Variants in MAGEB4 observed in about 807,000 individuals in gnomAD.
MAGEB4 encodes the protein melanoma-associated antigen B4.
For missense variants in MAGEB4, 237 were observed against 269.3 expected, an observed-to-expected ratio of 0.88 and a Z score of 0.84; for synonymous variants, 101 against 101.9, an observed-to-expected ratio of 0.99 and a Z score of 0.05.
In MAGEB4 at chrX:30,242,693, T is replaced by C. The variant is rs772883302; in HGVS notation, c.558T>C (p.Asp186=). ...YILVSMLGPN[D]GNQSSAWTLP... is the part of the protein sequence containing the mutation. ...TCGTCAGCATGCTAGGCCCCAACGA[T>C]GGAAACCAGAGCAGTGCCTGGACCC... is the stretch of plus-strand genomic sequence containing the variant. The change falls in exon 1 of 1, where the codon GAT becomes GAC. Residue 186 remains aspartate (D), a synonymous_variant. Transcript: ENST00000378982. 8.3e-7 allele frequency: 1 copy of C among 1,211,728 alleles called. No individual in the cohort carries two copies. Among genetic ancestry groups the C allele is most frequent in the East Asian group, 3.0e-5 (1 of 33,837 alleles).
rs757507580 is a variant in MAGEB4, at chrX:30,242,664, A to G, written c.529A>G (p.Ile177Val). The G allele has an allele frequency of 1.7e-6, 2 of 1,211,726 alleles. No individual in the cohort carries two copies. Among genetic ancestry groups the G allele is most frequent in the Non-Finnish European group, 2.2e-6 (2 of 895,514 alleles). Residue 177 changes from isoleucine (I) to valine (V), a missense_variant, in exon 1 of 1, where the codon ATC (isoleucine) becomes GTC (valine). Transcript: ENST00000378982. Reference protein sequence around the residue: ...KEVNPTTHSYILVSMLGPNDG... With the variant: ...KEVNPTTHSYVLVSMLGPNDG... Reference sequence around the variant, plus strand: ...GGTCAACCCCACCACTCACTCCTACATCCTCGTCAGCATGCTAGGCCCCAA... The same window carrying G: ...GGTCAACCCCACCACTCACTCCTACGTCCTCGTCAGCATGCTAGGCCCCAA...
In MAGEB4 at chrX:30,243,127, C is replaced by T; in HGVS notation, c.992C>T (p.Thr331Ile). ...GCCAGGCGTGGCACTACAGCCATGA[C>T]TAGTGCGTATTCCAGGGCCACATCC... ...VAARRGTTAM[T>I]SAYSRATSSS... is the part of the protein sequence containing the mutation. Residue 331 changes from threonine to isoleucine, a missense_variant, in exon 1 of 1, where the codon ACT becomes ATT. By Grantham distance (89) the Thr-to-Ile change is moderately conservative. Coordinates refer to ENST00000378982, the MANE Select transcript of MAGEB4 (RefSeq NM_002367.4). 1 of 1,198,077 alleles carries T rather than the reference C, an allele frequency of 8.3e-7. No homozygotes were observed. Among genetic ancestry groups the T allele is most frequent in the Non-Finnish European group, 1.1e-6 (1 of 888,813 alleles).
In MAGEB4 at chrX:30,242,933, A is replaced by G. The variant is rs1925191928; in HGVS notation, c.798A>G (p.Pro266=). 8.3e-7 allele frequency: 1 copy of G among 1,210,614 alleles called. No homozygotes were observed. The highest frequency in any genetic ancestry group is 1.1e-6 in the Non-Finnish European group (1 of 895,340). The change falls in exon 1 of 1, where the codon CCA becomes CCG. Residue 266 remains proline (P), a synonymous_variant. Coordinates refer to ENST00000378982, the MANE Select transcript of MAGEB4 (RefSeq NM_002367.4). ...AGCAGGTGCCCAACAGTGATCCCCC[A>G]CGCTATCAATTCCTGTGGGGTCCAA... The part of the protein sequence containing the change: ...EYQQVPNSDP[P]RYQFLWGPRA...
chrX:30,242,852 G>A lies in MAGEB4; in HGVS notation c.717G>A (p.Gly239=), dbSNP rs758644905. The change falls in exon 1 of 1, where the codon GGG becomes GGA. Residue 239 remains glycine (G), a synonymous_variant. Transcript: ENST00000378982. ...ATGGAAAGAGGCACCTTATCTTTGG[G>A]GAACCCCGAAAGCTCATCACCCAAG... The part of the protein sequence containing the change: ...IYDGKRHLIF[G]EPRKLITQDL... 8.3e-7 allele frequency: 1 copy of A among 1,211,796 alleles called. No individual in the cohort carries two copies. The highest frequency in any genetic ancestry group is 1.7e-5 in the African/African-American group (1 of 57,810).
chrX:30,242,144 G>T lies in MAGEB4; in HGVS notation c.9G>T (p.Arg3=). ...GCCTAACCACAGCCATCATGCCTCG[G>T]GGTCAGAAGAGTAAGCTCCGTGCCC... MP[R]GQKSKLRARE... Residue 3 remains arginine (R), a synonymous_variant, in exon 1 of 1, where the codon CGG becomes CGT. Transcript: ENST00000378982. 1 of 1,133,552 alleles carries T rather than the reference G, an allele frequency of 8.8e-7. No individual in the cohort carries two copies. Among genetic ancestry groups the T allele is most frequent in the Non-Finnish European group, 1.2e-6 (1 of 858,612 alleles). 93.4% of individuals were successfully genotyped at this position (1,133,552 alleles called of 1,213,427 possible).
rs1470097855 is a variant in MAGEB4 at position 30,242,164 on chromosome X, G to A, written c.29G>A (p.Arg10His). The part of the protein sequence containing the change: MPRGQKSKL[R>H]AREKRQRTRG... ...CCTCGGGGTCAGAAGAGTAAGCTCCGTGCCCGTGAGAAACGCCAGCGGACC... is the reference window on the plus strand; with the variant it reads ...CCTCGGGGTCAGAAGAGTAAGCTCCATGCCCGTGAGAAACGCCAGCGGACC... Residue 10 changes from arginine to histidine, a missense_variant, in exon 1 of 1, where the codon CGT becomes CAT. By Grantham distance (29) the Arg-to-His change is conservative. Transcript: ENST00000378982. The A allele has an allele frequency of 7.8e-6, 9 of 1,147,405 alleles. No individual in the cohort carries two copies. The highest frequency in any genetic ancestry group is 6.0e-5 in the East Asian group (2 of 33,323). 94.6% of individuals were successfully genotyped at this position (1,147,405 alleles called of 1,213,427 possible). A position where few individuals can be genotyped will look rare whatever the true frequency, so the allele number is the denominator to read the frequency against.
At position 30,243,913 on chromosome X, in the gene MAGEB4, A is replaced by G. The variant is rs979838713; in HGVS notation, c.*737A>G. 12 of 124,521 alleles carry G rather than the reference A, an allele frequency of 9.6e-5. No homozygotes were observed. The highest frequency in any genetic ancestry group is 1.9e-4 in the Non-Finnish European group (10 of 53,488). 10.3% of individuals were successfully genotyped at this position (124,521 alleles called of 1,213,427 possible). A position where few individuals can be genotyped will look rare whatever the true frequency, so the allele number is the denominator to read the frequency against. ...AACATATTTGTATGTAAAATGATTT[A>G]TCTTTTCTTTTTCCTGTTTTTCAGT... On this transcript the variant is annotated 3_prime_UTR_variant, in exon 1 of 1. Coordinates refer to ENST00000378982, the MANE Select transcript of MAGEB4 (RefSeq NM_002367.4).
In MAGEB4 at chrX:30,242,664, A is replaced by C. The variant is rs757507580; in HGVS notation, c.529A>C (p.Ile177Leu). ...KEVNPTTHSY[I>L]LVSMLGPNDG... The stretch of plus-strand genomic sequence containing the variant: ...GGTCAACCCCACCACTCACTCCTAC[A>C]TCCTCGTCAGCATGCTAGGCCCCAA... Residue 177 changes from isoleucine to leucine, a missense_variant, in exon 1 of 1, where the codon ATC (isoleucine) becomes CTC (leucine). Coordinates refer to ENST00000378982, the MANE Select transcript of MAGEB4 (RefSeq NM_002367.4). 1.7e-6 allele frequency: 2 copies of C among 1,211,726 alleles called. No homozygotes were observed. Among genetic ancestry groups the C allele is most frequent in the Admixed American group, 4.3e-5 (2 of 46,051 alleles).
rs772416089 is a variant in MAGEB4 at position 30,242,424 on chromosome X, G to C, written c.289G>C (p.Ala97Pro). The C allele has an allele frequency of 8.3e-7, 1 of 1,209,458 alleles. No individual in the cohort carries two copies. Among genetic ancestry groups the C allele is most frequent in the Admixed American group, 2.2e-5 (1 of 45,870 alleles). The change falls in exon 1 of 1, where the codon GCC becomes CCC. Residue 97 changes from alanine to proline, a missense_variant. Physicochemically the swap from Ala to Pro is conservative, Grantham distance 27 (BLOSUM62 -1). Coordinates refer to ENST00000378982, the MANE Select transcript of MAGEB4 (RefSeq NM_002367.4). ...TGAGGAAAATGCAAGTTCCTCCCAG[G>C]CCTCAACATCCACTGAGAGATCACT... ...QDEENASSSQ[A>P]STSTERSLKD...
chrX:30,242,291 C>T lies in MAGEB4; in HGVS notation c.156C>T (p.Ser52=), dbSNP rs774913579. The change falls in exon 1 of 1, where the codon AGC becomes AGT. Residue 52 remains serine (S), a synonymous_variant. Coordinates refer to ENST00000378982, the MANE Select transcript of MAGEB4 (RefSeq NM_002367.4). ...SSSVLRDTAS[S]SLAFGIPQEP... ...CTGTTTTGAGGGATACTGCCTCCAG[C>T]TCCCTTGCTTTTGGCATTCCCCAGG... The T allele has an allele frequency of 2.5e-6, 3 of 1,203,777 alleles. No individual in the cohort carries two copies. In the African/African-American group the frequency reaches 5.3e-5, roughly 21 times the overall value.
rs17853105 is a variant in MAGEB4, at chrX:30,242,691, G to A, written c.556G>A (p.Asp186Asn). 23 of 1,210,052 alleles carry A rather than the reference G, an allele frequency of 1.9e-5. No individual in the cohort carries two copies. The Admixed American group carries it at 3.5e-4, about 18-fold the overall frequency. The change falls in exon 1 of 1, where the codon GAT (aspartate) becomes AAT (asparagine). Residue 186 changes from aspartate to asparagine, a missense_variant. Physicochemically the swap from Asp to Asn is conservative, Grantham distance 23. Transcript: ENST00000378982. Reference protein sequence around the residue: ...YILVSMLGPNDGNQSSAWTLP... With the variant: ...YILVSMLGPNNGNQSSAWTLP... ...CCTCGTCAGCATGCTAGGCCCCAAC[G>A]ATGGAAACCAGAGCAGTGCCTGGAC...
In MAGEB4 at chrX:30,242,105, C is replaced by T. The variant is rs376209507; in HGVS notation, c.-31C>T. ...CACATCACCTGCCCTTCTGCCTACACTCCTGCCTGCTGTGCCTAACCACAG... is the reference window on the plus strand; with the variant it reads ...CACATCACCTGCCCTTCTGCCTACATTCCTGCCTGCTGTGCCTAACCACAG... On this transcript the variant is annotated 5_prime_UTR_variant, in exon 1 of 1. Coordinates refer to ENST00000378982, the MANE Select transcript of MAGEB4 (RefSeq NM_002367.4). The T allele has an allele frequency of 1.3e-4, 144 of 1,103,325 alleles. No homozygotes were observed. The African/African-American group carries it at 2.5e-3, about 19-fold the overall frequency. The allele number at this position is 1,103,325 out of a possible 1,213,427, so 90.9% of individuals were successfully genotyped here.
chrX:30,242,954 T>C lies in MAGEB4; in HGVS notation c.819T>C (p.Gly273=), dbSNP rs1369609847. ...SDPPRYQFLW[G]PRAHAETSKM... ...CCCCACGCTATCAATTCCTGTGGGG[T>C]CCAAGAGCTCATGCAGAAACCAGCA... Residue 273 remains glycine (G), a synonymous_variant, in exon 1 of 1, where the codon GGT becomes GGC. Coordinates refer to ENST00000378982, the MANE Select transcript of MAGEB4 (RefSeq NM_002367.4). 8.3e-7 allele frequency: 1 copy of C among 1,211,343 alleles called. No homozygotes were observed. The highest frequency in any genetic ancestry group is 1.1e-6 in the Non-Finnish European group (1 of 895,354).
chrX:30,242,684 C>T lies in MAGEB4; in HGVS notation c.549C>T (p.Gly183=). 1 of 1,211,727 alleles carries T rather than the reference C, an allele frequency of 8.3e-7. No individual in the cohort carries two copies. Among genetic ancestry groups the T allele is most frequent in the Non-Finnish European group, 1.1e-6 (1 of 895,456 alleles). ...THSYILVSML[G]PNDGNQSSAW... Reference sequence around the variant, plus strand: ...CCTACATCCTCGTCAGCATGCTAGGCCCCAACGATGGAAACCAGAGCAGTG... The same window carrying T: ...CCTACATCCTCGTCAGCATGCTAGGTCCCAACGATGGAAACCAGAGCAGTG... The change falls in exon 1 of 1, where the codon GGC becomes GGT. Residue 183 remains glycine (G), a synonymous_variant. Transcript: ENST00000378982.
In MAGEB4 at chrX:30,242,101, T is replaced by G. The variant is rs774044365; in HGVS notation, c.-35T>G. ...GAACCACATCACCTGCCCTTCTGCC[T>G]ACACTCCTGCCTGCTGTGCCTAACC... On this transcript the variant is annotated 5_prime_UTR_variant, in exon 1 of 1. Coordinates refer to ENST00000378982, the MANE Select transcript of MAGEB4 (RefSeq NM_002367.4). 1.6e-5 allele frequency: 17 copies of G among 1,088,165 alleles called. No homozygotes were observed. The highest frequency in any genetic ancestry group is 1.9e-5 in the Non-Finnish European group (16 of 825,559). The allele number at this position is 1,088,165 out of a possible 1,213,427, so 89.7% of individuals were successfully genotyped here.
rs1925203874 is a variant in MAGEB4 at position 30,243,214 on chromosome X, C to T, written c.*38C>T. 9.7e-7 allele frequency: 1 copy of T among 1,025,703 alleles called. No homozygotes were observed. Among genetic ancestry groups the T allele is most frequent in the Middle Eastern group, 2.7e-4 (1 of 3,656 alleles). The allele number at this position is 1,025,703 out of a possible 1,213,427, so 84.5% of individuals were successfully genotyped here. On this transcript the variant is annotated 3_prime_UTR_variant, in exon 1 of 1. Coordinates refer to ENST00000378982, the MANE Select transcript of MAGEB4 (RefSeq NM_002367.4). ...ATTGTTCACTTTGTGGTTGAAAGAC[C>T]TGCTGCTTTCTCTGTTCCTGTGATG...
At position 30,242,546 on chromosome X, in the gene MAGEB4, G is replaced by T; in HGVS notation, c.411G>T (p.Lys137Asn). Residue 137 changes from lysine (K) to asparagine (N), a missense_variant, in exon 1 of 1, where the codon AAG becomes AAT. Transcript: ENST00000378982. ...CCACTACAAAGGCAGAAATGCTGAA[G>T]ATCATCAGCAAAAAGTACAAGGAGC... ...KEPTTKAEML[K>N]IISKKYKEHF... 8.3e-7 allele frequency: 1 copy of T among 1,211,341 alleles called. No individual in the cohort carries two copies. Among genetic ancestry groups the T allele is most frequent in the Non-Finnish European group, 1.1e-6 (1 of 895,342 alleles).
Position 30,243,606 on chromosome X carries a change from C to T in MAGEB4, c.*430C>T, listed in dbSNP as rs1925217076. ...TTTTTGCTCATAAATTTAAAAGTTA[C>T]ATACCTGGTTTGCTTAGATTATTCA... On this transcript the variant is annotated 3_prime_UTR_variant, in exon 1 of 1. Coordinates refer to ENST00000378982, the MANE Select transcript of MAGEB4 (RefSeq NM_002367.4). 1.6e-5 allele frequency: 2 copies of T among 127,925 alleles called. No individual in the cohort carries two copies. The highest frequency in any genetic ancestry group is 1.8e-5 in the Non-Finnish European group (1 of 55,995). The allele number at this position is 127,925 out of a possible 1,213,427, so 10.5% of individuals were successfully genotyped here.
chrX:30,242,464 C>A lies in MAGEB4; in HGVS notation c.329C>A (p.Thr110Asn), dbSNP rs143412324. ...GAGAGATCACTCAAAGATTCTCTAA[C>A]CAGGAAGACGAAGATGTTAGTGCAG... The part of the protein sequence containing the change: ...STERSLKDSL[T>N]RKTKMLVQFL... The change falls in exon 1 of 1, where the codon ACC becomes AAC. Residue 110 changes from threonine (T) to asparagine (N), a missense_variant. Physicochemically the swap from Thr to Asn is moderately conservative, Grantham distance 65 (BLOSUM62 0). Transcript: ENST00000378982. 1.7e-6 allele frequency: 2 copies of A among 1,207,799 alleles called. No homozygotes were observed. The highest frequency in any genetic ancestry group is 2.2e-6 in the Non-Finnish European group (2 of 893,885).
Sources: allele counts gnomAD v4.1 joint callset, GRCh38; gene constraint gnomAD v4.1.1; transcripts MANE v1.5; gene names NCBI Gene and HGNC (gene_info 2026-07-23, HGNC 2026-07-21).